Variants in SFXN5 observed in about 807,000 individuals in gnomAD.
SFXN5 encodes sideroflexin-5.
Under a neutral mutation model 50.2 loss-of-function variants are expected in SFXN5, and 43 were observed. The ratio of observed to expected loss-of-function variants is 0.86; its 90% CI spans 0.67 to 1.11. The LOEUF (loss-of-function observed/expected upper bound fraction) is 1.11. SFXN5 is among the 50% of genes least tolerant of loss of function. The probability of loss-of-function intolerance (pLI) is 0.00; values close to 1 mark genes in which losing one functional copy is unlikely to be tolerated. For synonymous variants in SFXN5, 203 were observed against 185.8 expected, an observed-to-expected ratio of 1.09 and a Z score of -0.75; for missense variants, 463 against 454.1, an observed-to-expected ratio of 1.02 and a Z score of -0.18.
intron 10 of SFXN5, among the ~76,000 whole-genome samples, chr2:72,981,681 G>A (rs1559116745): frequency 6.6e-6 from 1 of 152,146 alleles, no homozygotes; most frequent in Non-Finnish European, 1.5e-5. Flanking sequence ...CTTGGGGCCT[G>A]ACACACAGCA....
chr2:72,971,557 C>A lies in SFXN5; in HGVS notation c.741+13G>T, dbSNP rs183045646. ...TTGCTGGCCTCCCCAACCCTGCGAA[C>A]CCCCAGACCCACGTGTCGGGCTGCG... On this transcript the variant is annotated intron_variant, in intron 11 of 13. Coordinates refer to ENST00000272433, the MANE Select transcript of SFXN5 (RefSeq NM_144579.3). 1.3e-5 allele frequency: 21 copies of A among 1,607,828 alleles called. No homozygotes were observed. In the Admixed American group the frequency reaches 2.0e-4, roughly 15 times the overall value.
In SFXN5 at chr2:73,071,688, A is replaced by C; in HGVS notation, c.18T>G (p.Thr6=). 2.5e-6 allele frequency: 4 copies of C among 1,613,150 alleles called. No individual in the cohort carries two copies. The highest frequency in any genetic ancestry group is 3.4e-6 in the Non-Finnish European group (4 of 1,179,868). ...CACTAGCCGCCGCCGCCGATGCTGT[A>C]GTCGCTGTATCCGCCATGGCCACTG... MADTA[T]TASAAAASAA... Residue 6 remains threonine, a synonymous_variant, in exon 1 of 14, where the codon ACT becomes ACG. Transcript: ENST00000272433.
chr2:72,971,417 G>A (rs572507156), intron 11 of SFXN5, among the ~76,000 whole-genome samples, 153 bp downstream of exon 11: 1 of 152,046 alleles, frequency 6.6e-6, no homozygotes, highest in East Asian at 1.9e-4. Flanking sequence ...CCAGACTCAT[G>A]CAGATTGGAG....
At chr2:72,980,243 C>T (rs1395323138) in intron 10 of SFXN5, among the ~76,000 whole-genome samples, 2 of 152,212 alleles carry the variant, frequency 1.3e-5, no homozygotes, top group South Asian at 4.2e-4. Context: ...TCCTTCCCAA[C>T]CCTAAACTTT....
intron 6 of SFXN5, among the ~76,000 whole-genome samples, chr2:73,009,607 C>T (rs115945798): frequency 0.011 from 1,704 of 152,326 alleles, 30 homozygotes; most frequent in African/African-American, 0.039. Flanking sequence ...CTCCCCATTT[C>T]GCCTCCATCA....
At chr2:72,988,181 G>T in intron 10 of SFXN5, 77 bp downstream of exon 10, 3 of 1,358,962 alleles carry the variant, frequency 2.2e-6, no homozygotes. Context: ...GTGTGGAAGG[G>T]TCATCTGTCT....
chr2:73,004,313 GCGCACA>G lies in SFXN5; in HGVS notation c.358-2741_358-2736del, dbSNP rs1174419908. ...AGCCAGAGGAGAGGAATGAGTGCGC[GCGCACA>G]CACACACACACACACACACACACAC... On this transcript the variant is annotated intron_variant, in intron 6 of 13. Transcript: ENST00000272433. Among the ~76,000 whole-genome samples, 527 of 138,466 alleles carry G rather than the reference GCGCACA, an allele frequency of 3.8e-3. 3 individuals carry two copies. Among genetic ancestry groups the G allele is most frequent in the African/African-American group, 0.013 (416 of 32,872 alleles). 90.8% of individuals were successfully genotyped at this position (138,466 alleles called of 152,430 possible).
chr2:72,958,021 T>C (rs1227333269), intron 13 of SFXN5, among the ~76,000 whole-genome samples: 1 of 152,214 alleles, frequency 6.6e-6, no homozygotes. Flanking sequence ...AGTAGGCATG[T>C]GGGGAGAGGG....
chr2:73,030,117 A>G (rs2105877499), intron 3 of SFXN5, among the ~76,000 whole-genome samples: 1 of 151,962 alleles, frequency 6.6e-6, no homozygotes, highest in Non-Finnish European at 1.5e-5. Flanking sequence ...CAAACAAACG[A>G]ACAAAAAAAA....
chr2:73,027,507 G>A (rs1312007473), intron 3 of SFXN5, among the ~76,000 whole-genome samples: 2 of 152,254 alleles, frequency 1.3e-5, no homozygotes, highest in East Asian at 1.9e-4. Flanking sequence ...ATTTAGTGCA[G>A]CCTAAGGATA....
chr2:72,990,640 T>G (rs1249476350), intron 9 of SFXN5, among the ~76,000 whole-genome samples: 5 of 152,212 alleles, frequency 3.3e-5, no homozygotes, highest in Admixed American at 6.5e-5. Context: ...TTGGCCCTTT[T>G]CACAGATAGA....
At chr2:73,019,230 A>C (rs1359187591) in intron 6 of SFXN5, among the ~76,000 whole-genome samples, 4 of 152,144 alleles carry the variant, frequency 2.6e-5, no homozygotes, top group Non-Finnish European at 5.9e-5. Flanking sequence ...AACAAGCAAA[A>C]CTAAAATATA....
At chr2:72,959,200 T>C (rs565068010) in intron 13 of SFXN5, among the ~76,000 whole-genome samples, 73 of 152,282 alleles carry the variant, frequency 4.8e-4, no homozygotes, top group African/African-American at 1.8e-3. Context: ...GTGAGCTCAA[T>C]GCAGACACCT....
chr2:72,987,108 T>C lies in SFXN5; in HGVS notation c.625+1150A>G, dbSNP rs374187133. 9.9e-5 allele frequency among the ~76,000 whole-genome samples: 15 copies of C among 152,192 alleles called. No homozygotes were observed. In the South Asian group the frequency reaches 3.1e-3, roughly 32 times the overall value. On this transcript the variant is annotated intron_variant, in intron 10 of 13. Transcript: ENST00000272433. ...ATTGTGATATAGTAATAGATGTTTT[T>C]TGGGGTTTTTTTTGTTTTGTTTTGT...
chr2:72,992,217 A>G lies in SFXN5; in HGVS notation c.535-3869T>C, dbSNP rs924531567. On this transcript the variant is annotated intron_variant, in intron 9 of 13. Transcript: ENST00000272433. The surrounding 1 kb of genome is among the most constrained non-coding windows in gnomAD (Gnocchi z 4.5). The stretch of plus-strand genomic sequence containing the variant: ...AAGGAGGGAAGGCCGGCTTCCTGAT[A>G]GTCCCCACGGAGATGGGAACAGGGC... Among the ~76,000 whole-genome samples, 3 of 152,194 alleles carry G rather than the reference A, an allele frequency of 2.0e-5. No homozygotes were observed. Among genetic ancestry groups the G allele is most frequent in the African/African-American group, 7.2e-5 (3 of 41,456 alleles).
intron 10 of SFXN5, among the ~76,000 whole-genome samples, chr2:72,981,458 C>G (rs1475174601): frequency 2.0e-5 from 3 of 152,182 alleles, no homozygotes; most frequent in Non-Finnish European, 2.9e-5. Context: ...TGTGAGATCT[C>G]ATCGGCCCAC....
intron 2 of SFXN5, among the ~76,000 whole-genome samples, chr2:73,047,269 T>C (rs1164005846): frequency 2.6e-4 from 20 of 76,872 alleles, no homozygotes; most frequent in African/African-American, 1.1e-3. Flanking sequence ...TATATATATA[T>C]ATATATACAC....
At chr2:73,016,133 T>C (rs911342372) in intron 6 of SFXN5, among the ~76,000 whole-genome samples, 5 of 152,194 alleles carry the variant, frequency 3.3e-5, no homozygotes, top group African/African-American at 1.2e-4. Context: ...GCTGTTTATT[T>C]GTATCTTCTC....
intron 9 of SFXN5, among the ~76,000 whole-genome samples, chr2:72,989,679 G>A (rs563769142): frequency 1.1e-3 from 170 of 152,114 alleles, no homozygotes; most frequent in Non-Finnish European, 1.7e-3. Context: ...GGGGCTTTGC[G>A]GAGGAGAGAA....
Sources: allele counts gnomAD v4.1 joint callset (sites outside exome capture counted in the v4.1 genomes callset), GRCh38; gene constraint gnomAD v4.1.1; non-coding constraint Gnocchi (gnomAD v3.1); transcripts MANE v1.5; gene names NCBI Gene and HGNC (gene_info 2026-07-23, HGNC 2026-07-21).